Variants in IQCK observed in about 807,000 individuals in gnomAD.
IQCK encodes IQ domain-containing protein K.
Under a neutral mutation model 28.1 loss-of-function variants are expected in IQCK, and 29 were observed. That is an observed-to-expected ratio of 1.03 (90% confidence interval 0.77 to 1.41). The LOEUF (loss-of-function observed/expected upper bound fraction) is 1.41. IQCK is among the 40% of genes most tolerant of loss of function. The probability of loss-of-function intolerance (pLI) is 0.00; values close to 1 mark genes in which losing one functional copy is unlikely to be tolerated. For missense variants in IQCK, 359 were observed against 314.7 expected, an observed-to-expected ratio of 1.14 and a Z score of -1.07; for synonymous variants, 113 against 115.1, an observed-to-expected ratio of 0.98 and a Z score of 0.12.
intron 9 of IQCK, among the ~76,000 whole-genome samples, chr16:19,840,271 G>C (rs897568653): frequency 6.6e-6 from 1 of 151,718 alleles, no homozygotes; most frequent in African/African-American, 2.4e-5. Flanking sequence ...CAGGAGAATC[G>C]CTTAAACCCG....
At chr16:19,735,409 G>A (rs577248828) in exon 4 of IQCK, 1 of 1,614,096 alleles carries the variant, frequency 6.2e-7, no homozygotes, top group Non-Finnish European at 8.5e-7. Flanking sequence ...TCCCGGAATG[G>A]CTAGCCTGCT....
At chr16:19,821,619 T>C (rs1188759653) in intron 7 of IQCK, among the ~76,000 whole-genome samples, 2 of 152,118 alleles carry the variant, frequency 1.3e-5, no homozygotes, top group Non-Finnish European at 2.9e-5. Flanking sequence ...GAGAATCGCT[T>C]GAAAGTGGAG....
At chr16:19,815,816 A>G (rs541390492) in intron 7 of IQCK, among the ~76,000 whole-genome samples, 1 of 152,374 alleles carries the variant, frequency 6.6e-6, no homozygotes, top group African/African-American at 2.4e-5. Flanking sequence ...AATTCAAGAG[A>G]GTTATGAACT....
chr16:19,827,684 C>G (rs1475062846), downstream of IQCK, among the ~76,000 whole-genome samples: 1 of 152,130 alleles, frequency 6.6e-6, no homozygotes, highest in African/African-American at 2.4e-5. Flanking sequence ...TGGGCTTCAT[C>G]CAATCTGTTA....
chr16:19,825,952 G>T lies in IQCK; in HGVS notation c.691-1074G>T, dbSNP rs1186405739. On this transcript the variant is annotated intron_variant, in intron 7 of 7. Transcript: ENST00000564186. This position sits in a 1 kb window ranked among gnomAD's most constrained non-coding sequence, Gnocchi z 4.2. ...GCACTTGAAATGAAGTATGTTGTAA[G>T]TGCAAAAACACACAGTGTTGAAGAC... Among the ~76,000 whole-genome samples the T allele has an allele frequency of 1.3e-5, 2 of 152,190 alleles. No individual in the cohort carries two copies. The highest frequency in any genetic ancestry group is 2.9e-5 in the Non-Finnish European group (2 of 68,030).
chr16:19,734,850 A>G (rs909433474), intron 3 of IQCK, among the ~76,000 whole-genome samples: 11 of 152,010 alleles, frequency 7.2e-5, no homozygotes, highest in Non-Finnish European at 1.3e-4. Context: ...GTGTGGAAGC[A>G]GGGGTGTATA....
chr16:19,739,746 T>C (rs1015019001), intron 4 of IQCK, among the ~76,000 whole-genome samples: 1 of 152,120 alleles, frequency 6.6e-6, no homozygotes, highest in African/African-American at 2.4e-5. Flanking sequence ...ACCCTGGAAG[T>C]TGAGTCTGCA....
At chr16:19,773,671 A>G (rs986490254) in intron 6 of IQCK, among the ~76,000 whole-genome samples, 4 of 152,228 alleles carry the variant, frequency 2.6e-5, no homozygotes, top group Admixed American at 2.6e-4. Flanking sequence ...CTGTGTTCCA[A>G]TAACACTTTA....
At chr16:19,822,385 C>CAAAAAAAA (rs1216507836) in intron 7 of IQCK, among the ~76,000 whole-genome samples, 1 of 61,172 alleles carries the variant, frequency 1.6e-5, no homozygotes, top group Non-Finnish European at 3.4e-5. Context: ...GACTCTGTCT[C>CAAAAAAAA]AAAAAAAAAA....
intron 6 of IQCK, among the ~76,000 whole-genome samples, chr16:19,779,217 G>A (rs2055441465): frequency 6.6e-6 from 1 of 152,164 alleles, no homozygotes; most frequent in African/African-American, 2.4e-5. Flanking sequence ...ACCTAATAGT[G>A]CATACAGGGA....
At chr16:19,821,432 A>G (rs1407713301) in intron 7 of IQCK, among the ~76,000 whole-genome samples, 1 of 152,112 alleles carries the variant, frequency 6.6e-6, no homozygotes, top group East Asian at 1.9e-4. Context: ...ATTTAAACAA[A>G]AACTCGCCTG....
chr16:19,806,931 T>C (rs925696672), intron 7 of IQCK, among the ~76,000 whole-genome samples: 1 of 152,050 alleles, frequency 6.6e-6, no homozygotes, highest in Non-Finnish European at 1.5e-5. Flanking sequence ...GACTCCCCAA[T>C]AACCCCCACC....
At chr16:19,731,355 A>T (rs989823049) in intron 2 of IQCK, among the ~76,000 whole-genome samples, 2 of 152,220 alleles carry the variant, frequency 1.3e-5, no homozygotes, top group African/African-American at 4.8e-5. Flanking sequence ...GGTAACACGG[A>T]TGGAATCAAA....
At chr16:19,770,945 A>G (rs1049955462) in intron 6 of IQCK, among the ~76,000 whole-genome samples, 1 of 152,096 alleles carries the variant, frequency 6.6e-6, no homozygotes, top group Non-Finnish European at 1.5e-5. Flanking sequence ...TTTTGCCTCC[A>G]TCTTCCACTT....
intron 9 of IQCK, among the ~76,000 whole-genome samples, chr16:19,832,278 G>A (rs1421127447): frequency 2.0e-5 from 3 of 151,630 alleles, no homozygotes; most frequent in African/African-American, 7.3e-5. Flanking sequence ...TATATCATCA[G>A]ATAAATTTAT....
intron 6 of IQCK, among the ~76,000 whole-genome samples, chr16:19,786,784 G>A (rs2055568088): frequency 9.9e-6 from 1 of 100,966 alleles, no homozygotes; most frequent in Non-Finnish European, 1.7e-5. Context: ...GAATCACCTA[G>A]AAAAGAAAGA....
intron 6 of IQCK, among the ~76,000 whole-genome samples, chr16:19,780,162 G>A (rs565107659): frequency 2.0e-5 from 3 of 151,496 alleles, no homozygotes; most frequent in South Asian, 2.1e-4. Flanking sequence ...CTGCCTCAGC[G>A]TCCCAAGTAG....
rs781672599 is a variant in IQCK, at chr16:19,733,702, C to T, written c.251C>T (p.Ala84Val). 91 of 1,613,728 alleles carry T rather than the reference C, an allele frequency of 5.6e-5. No individual in the cohort carries two copies. Among genetic ancestry groups the T allele is most frequent in the East Asian group, 3.3e-4 (15 of 44,892 alleles). ...CCCTCCCCTGTCTGCCTCCAGGTTG[C>T]GCCAGTAGAGGAAATGCTTTTTCAT... is the stretch of plus-strand genomic sequence containing the variant. Residue 84 changes from alanine (A) to valine (V), a missense_variant, in exon 3 of 8, where the codon GCG (alanine) becomes GTG (valine). By Grantham distance (64) the Ala-to-Val change is moderately conservative (BLOSUM62 0). Transcript: ENST00000564186.
intron 7 of IQCK, among the ~76,000 whole-genome samples, chr16:19,793,642 G>GTT (rs1567559545): frequency 2.7e-5 from 2 of 74,032 alleles, no homozygotes; most frequent in South Asian, 5.3e-4. Context: ...ATCTCAGTTG[G>GTT]GTTTTTTTTT....
Sources: allele counts gnomAD v4.1 joint callset (sites outside exome capture counted in the v4.1 genomes callset), GRCh38; gene constraint gnomAD v4.1.1; non-coding constraint Gnocchi (gnomAD v3.1); transcripts MANE v1.5; gene names NCBI Gene and HGNC (gene_info 2026-07-23, HGNC 2026-07-21).